Variants in DDX3X observed in about 807,000 individuals in gnomAD.
The protein encoded by DDX3X is ATP-dependent RNA helicase DDX3X.
DDX3X carries 4 observed loss-of-function variants against 52.7 expected under a neutral mutation model. The ratio of observed to expected loss-of-function variants is 0.08; its 90% CI spans 0.04 to 0.17. DDX3X has a LOEUF of 0.17. DDX3X is among the 10% of genes least tolerant of loss of function. The probability of loss-of-function intolerance (pLI) is 1.00; values close to 1 mark genes in which losing one functional copy is unlikely to be tolerated. For synonymous variants in DDX3X, 192 were observed against 178.1 expected, an observed-to-expected ratio of 1.08 and a Z score of -0.62; for missense variants, 222 against 548.6, an observed-to-expected ratio of 0.40 and a Z score of 5.95.
chrX:41,351,637 C>G (rs1243199335), downstream of DDX3X: 2 of 111,542 alleles, frequency 1.8e-5, no homozygotes, highest in Non-Finnish European at 3.8e-5. Context: ...GTGTTCCATT[C>G]TATTTTTAAT....
rs748801680 is a variant in DDX3X at position 41,356,692 on chromosome X, C to T, written c.655-7582C>T. ...TGTTGGTCAGGGTGGTCTTGATCTC[C>T]CACCTTGTGATCTGCCCGCCTCGGC... On this transcript the variant is annotated intron_variant, in intron 5 of 5. Coordinates refer to the DDX3X transcript ENST00000616050. Among the ~76,000 whole-genome samples the T allele has an allele frequency of 3.7e-5, 4 of 108,855 alleles. No individual in the cohort carries two copies. The South Asian group carries it at 1.6e-3, about 42-fold the overall frequency. 94.5% of individuals were successfully genotyped at this position (108,855 alleles called of 115,157 possible).
intron 5 of DDX3X, among the ~76,000 whole-genome samples, chrX:41,355,815 T>C (rs755519688): frequency 3.6e-5 from 4 of 110,050 alleles, no homozygotes; most frequent in Non-Finnish European, 7.6e-5. Flanking sequence ...GCTGCTCTAA[T>C]TGGTGTAAAG....
chrX:41,361,749 G>T (rs1348740686), intron 5 of DDX3X, among the ~76,000 whole-genome samples: 2 of 110,964 alleles, frequency 1.8e-5, no homozygotes, highest in African/African-American at 6.5e-5. Context: ...GGGATTACAG[G>T]CATGAGCCAC....
At chrX:41,343,851 T>C in intron 8 of DDX3X, 29 bp downstream of exon 8, 2 of 1,118,603 alleles carry the variant, frequency 1.8e-6, no homozygotes, top group Non-Finnish European at 2.4e-6. Context: ...AATGGGAAAT[T>C]GTAGAACTTT....
rs1041922337 is a variant in DDX3X at position 41,347,506 on chromosome X, A to T, written c.1909+55A>T. 4 of 1,186,753 alleles carry T rather than the reference A, an allele frequency of 3.4e-6. No individual in the cohort carries two copies. In the African/African-American group the frequency reaches 7.1e-5, roughly 21 times the overall value. On this transcript the variant is annotated intron_variant, in intron 16 of 16. Coordinates refer to ENST00000644876, the MANE Select transcript of DDX3X (RefSeq NM_001356.5). Reference sequence around the variant, plus strand: ...GGGAAGGGTTTTTTTCCTTTTAGTCATCTTTTTCAAAGCCTAATTAAACAA... The same window carrying T: ...GGGAAGGGTTTTTTTCCTTTTAGTCTTCTTTTTCAAAGCCTAATTAAACAA...
chrX:41,360,250 T>G (rs1359151664), intron 5 of DDX3X, among the ~76,000 whole-genome samples: 2 of 106,124 alleles, frequency 1.9e-5, no homozygotes, highest in African/African-American at 3.4e-5. Flanking sequence ...TGGTGGTGCG[T>G]GCCTGTAATC....
downstream of DDX3X, among the ~76,000 whole-genome samples, chrX:41,354,765 C>T (rs143159258): frequency 9.1e-3 from 1,012 of 110,932 alleles, 14 homozygotes; most frequent in African/African-American, 0.032. Context: ...CCTTTTGAGA[C>T]TAGGTTATTT....
rs766794672 is a variant in DDX3X at position 41,341,600 on chromosome X, A to G, written c.268A>G (p.Ser90Gly). 8.3e-7 allele frequency: 1 copy of G among 1,211,001 alleles called. No individual in the cohort carries two copies. Among genetic ancestry groups the G allele is most frequent in the Non-Finnish European group, 1.1e-6 (1 of 894,888 alleles). Reference protein sequence around the residue: ...GKSSFFSDRGSGSRGRFDDRG... With the variant: ...GKSSFFSDRGGGSRGRFDDRG... The stretch of plus-strand genomic sequence containing the variant: ...GTCTAGCTTCTTCAGTGATCGTGGA[A>G]GTGGATCAAGGGGAAGGTAAGTGAT... Residue 90 changes from serine (S) to glycine (G), a missense_variant, in exon 4 of 17, where the codon AGT (serine) becomes GGT (glycine). Ser to Gly is a moderately conservative substitution (Grantham distance 56, BLOSUM62 0). Around this residue, in one of 5 missense-constraint regions of DDX3X, gnomAD observed 93 missense variants for 123.7 expected, o/e 0.75. Transcript: ENST00000644876.
At chrX:41,339,217 C>G (rs189909955) in intron 3 of DDX3X, 134 bp downstream of exon 3, 67 of 276,348 alleles carry the variant, frequency 2.4e-4, no homozygotes, top group African/African-American at 1.9e-3. Context: ...AGCCTTGGTT[C>G]AAATACTAGA....
intron 5 of DDX3X, among the ~76,000 whole-genome samples, chrX:41,361,556 G>A (rs1269070501): frequency 2.7e-5 from 3 of 110,806 alleles, no homozygotes; most frequent in Non-Finnish European, 5.7e-5. Context: ...ATTCTTTGTC[G>A]TTTTACTAGG....
In DDX3X at chrX:41,334,186, G is replaced by A. The variant is rs184264239; in HGVS notation, c.-67G>A. 1.2e-5 allele frequency: 13 copies of A among 1,090,568 alleles called. No individual in the cohort carries two copies. In the East Asian group the frequency reaches 1.2e-4, roughly 10 times the overall value. The allele number at this position is 1,090,568 out of a possible 1,213,427, so 89.9% of individuals were successfully genotyped here. On this transcript the variant is annotated 5_prime_UTR_variant, in exon 1 of 17. Coordinates refer to ENST00000644876, the MANE Select transcript of DDX3X (RefSeq NM_001356.5). ...CAGAGCCGCAGTTCTCCCGTGAGAG[G>A]GCCTTCGCGGTGGAACAAACACTCG...
rs1435205657 is a variant in DDX3X, at chrX:41,349,711, A to G, written c.*1992A>G. The G allele has an allele frequency of 8.9e-6, 1 of 111,802 alleles. No individual in the cohort carries two copies. Among genetic ancestry groups the G allele is most frequent in the East Asian group, 2.8e-4 (1 of 3,610 alleles). The allele number at this position is 111,802 out of a possible 1,213,427, so 9.2% of individuals were successfully genotyped here. A position where few individuals can be genotyped will look rare whatever the true frequency, so the allele number is the denominator to read the frequency against. On this transcript the variant is annotated 3_prime_UTR_variant, in exon 17 of 17. Transcript: ENST00000644876. ...CATATTAAACTCTTAAGTCAAATTAAGCAGACCCGGCGTTGGCAGTGTAGC... is the reference window on the plus strand; with the variant it reads ...CATATTAAACTCTTAAGTCAAATTAGGCAGACCCGGCGTTGGCAGTGTAGC...
intron 10 of DDX3X, 131 bp downstream of exon 10, chrX:41,344,530 C>T (rs1219784241): frequency 1.1e-5 from 8 of 753,290 alleles, no homozygotes; most frequent in Admixed American, 2.5e-5. Context: ...CTCTGCCTCC[C>T]GGGTTCAAGC....
At chrX:41,334,102 G>A, upstream of DDX3X, 2 of 517,808 alleles carry the variant, frequency 3.9e-6, no homozygotes, top group Non-Finnish European at 3.3e-6. Flanking sequence ...CACGTTGTAC[G>A]TGCTGACGTA....
rs759847998 is a variant in DDX3X, at chrX:41,342,382, G to C, written c.285-113G>C. 8.7e-5 allele frequency: 74 copies of C among 846,094 alleles called. No individual in the cohort carries two copies. In the East Asian group the frequency reaches 2.3e-3, roughly 26 times the overall value. The allele number at this position is 846,094 out of a possible 1,213,427, so 69.7% of individuals were successfully genotyped here. On this transcript the variant is annotated intron_variant, in intron 4 of 16. Transcript: ENST00000644876. ...TCAAGTAACTCAGAATTGGATTGTTGACATCCTTATGGTTAGCCATAACTT... is the reference window on the plus strand; with the variant it reads ...TCAAGTAACTCAGAATTGGATTGTTCACATCCTTATGGTTAGCCATAACTT...
chrX:41,353,005 C>G (rs1343508703), downstream of DDX3X, among the ~76,000 whole-genome samples: 1 of 111,832 alleles, frequency 8.9e-6, no homozygotes, highest in Non-Finnish European at 1.9e-5. Context: ...TGGCGTGGTT[C>G]TAATCTACCA....
chrX:41,348,800 G>A lies in DDX3X; in HGVS notation c.*1081G>A, dbSNP rs764675036. 2 of 112,348 alleles carry A rather than the reference G, an allele frequency of 1.8e-5. No individual in the cohort carries two copies. Among genetic ancestry groups the A allele is most frequent in the East Asian group, 2.8e-4 (1 of 3,602 alleles). The allele number at this position is 112,348 out of a possible 1,213,427, so 9.3% of individuals were successfully genotyped here. A position where few individuals can be genotyped will look rare whatever the true frequency, so the allele number is the denominator to read the frequency against. ...ATTCACATTACTCTGTTCAAGCTGC[G>A]TTGAGATGTTAAACTGGCTTACTAT... On this transcript the variant is annotated 3_prime_UTR_variant, in exon 17 of 17. Coordinates refer to ENST00000644876, the MANE Select transcript of DDX3X (RefSeq NM_001356.5).
intron 4 of DDX3X, 77 bp downstream of exon 4, chrX:41,341,693 A>G: frequency 1.0e-6 from 1 of 982,702 alleles, no homozygotes; most frequent in Non-Finnish European, 1.4e-6. Flanking sequence ...ACCTGTTTGG[A>G]TGTTAAGCAT....
chrX:41,340,615 G>C, intron 3 of DDX3X: 1 of 272,197 alleles, frequency 3.7e-6, no homozygotes, highest in Middle Eastern at 1.0e-3. Context: ...ATATAGTGAT[G>C]AGGGTTTTTC....
Sources: allele counts gnomAD v4.1 joint callset (sites outside exome capture counted in the v4.1 genomes callset), GRCh38; gene constraint gnomAD v4.1.1; regional missense constraint gnomAD v4.1.1; transcripts MANE v1.5; gene names NCBI Gene and HGNC (gene_info 2026-07-23, HGNC 2026-07-21).